Variants in RGS3 observed in about 807,000 individuals in gnomAD.
RGS3 encodes regulator of G-protein signalling 3.
A neutral mutation model predicts 132.6 loss-of-function variants in RGS3; 80 were observed. That is an observed-to-expected ratio of 0.60 (90% CI 0.50 to 0.73). RGS3 has a LOEUF of 0.73. RGS3 is among the 30% of genes least tolerant of loss of function. The pLI is 0.00. For missense variants in RGS3, 1,382 were observed against 1,530.8 expected, an observed-to-expected ratio of 0.90 and a Z score of 1.62; for synonymous variants, 598 against 620.6, an observed-to-expected ratio of 0.96 and a Z score of 0.54.
Position 113,579,115 on chromosome 9 carries a change from C to G in RGS3, c.2038-4335C>G, listed in dbSNP as rs1834670206. Among the ~76,000 whole-genome samples, 1 of 152,176 alleles carries G rather than the reference C, an allele frequency of 6.6e-6. No homozygotes were observed. The highest frequency in any genetic ancestry group is 2.4e-5 in the African/African-American group (1 of 41,432). ...AGGAAGTGGTTTTCGAGGGCAGATGCAGAGCCCGGCATCCGTGGTGGCTGT... is the reference window on the plus strand; with the variant it reads ...AGGAAGTGGTTTTCGAGGGCAGATGGAGAGCCCGGCATCCGTGGTGGCTGT... On this transcript the variant is annotated intron_variant, in intron 19 of 24. Transcript: ENST00000350696. This position sits in a 1 kb window ranked among gnomAD's most constrained non-coding sequence, Gnocchi z 4.3.
chr9:113,595,322 C>T (rs901487626), intron 23 of RGS3: 5 of 550,612 alleles, frequency 9.1e-6, no homozygotes, highest in African/African-American at 7.5e-5. Flanking sequence ...GGGCAGGGTC[C>T]CATCGGCTCC....
chr9:113,529,677 C>A (rs951010917), intron 18 of RGS3, among the ~76,000 whole-genome samples: 3 of 152,216 alleles, frequency 2.0e-5, no homozygotes, highest in Non-Finnish European at 2.9e-5. Context: ...CCAACGACCC[C>A]TTGTACAGGG....
intron 19 of RGS3, chr9:113,580,591 A>G (rs1038119456): frequency 6.1e-6 from 1 of 164,978 alleles, no homozygotes; most frequent in South Asian, 2.0e-4. Flanking sequence ...TGGGATCAAA[A>G]TCAGCCTGGC....
intron 1 of RGS3, among the ~76,000 whole-genome samples, chr9:113,454,507 C>T (rs1184625442): frequency 6.6e-6 from 1 of 152,010 alleles, no homozygotes; most frequent in Non-Finnish European, 1.5e-5. Flanking sequence ...ACTTAGCAGG[C>T]TGAGGCATAA....
intron 19 of RGS3, among the ~76,000 whole-genome samples, chr9:113,559,968 A>C (rs1169375977): frequency 1.3e-5 from 2 of 152,230 alleles, no homozygotes; most frequent in Non-Finnish European, 2.9e-5. Flanking sequence ...TGTACCAGGC[A>C]TTCCACATAC....
At chr9:113,585,242 G>T (rs1835058005) in intron 20 of RGS3, among the ~76,000 whole-genome samples, 1 of 152,214 alleles carries the variant, frequency 6.6e-6, no homozygotes, top group Admixed American at 6.5e-5. Flanking sequence ...GCTAGTTTGG[G>T]TCTGGGCTCT....
intron 16 of RGS3, chr9:113,522,375 T>G (rs1474372091): frequency 6.6e-6 from 1 of 152,420 alleles, no homozygotes; most frequent in Non-Finnish European, 1.5e-5. Flanking sequence ...TCTCCCTGTT[T>G]GGGCTGTTGA....
chr9:113,461,719 C>T lies in RGS3; in HGVS notation c.93C>T (p.Asp31=), dbSNP rs753710945. 4 of 1,613,690 alleles carry T rather than the reference C, an allele frequency of 2.5e-6. No individual in the cohort carries two copies. The East Asian group carries it at 8.9e-5, about 36-fold the overall frequency. ...TTTTCTCTCCTAGGTCACATTCAGACAGCACACCTTTGCCCAATTTTCTTT... is the reference window on the plus strand; with the variant it reads ...TTTTCTCTCCTAGGTCACATTCAGATAGCACACCTTTGCCCAATTTTCTTT... The change falls in exon 2 of 25, where the codon GAC becomes GAT. Residue 31 remains aspartate, a synonymous_variant. Coordinates refer to ENST00000350696, the Ensembl canonical transcript of RGS3.
chr9:113,573,060 A>G (rs2118900459), intron 19 of RGS3, among the ~76,000 whole-genome samples: 1 of 152,322 alleles, frequency 6.6e-6, no homozygotes, highest in South Asian at 2.1e-4. Context: ...GCCAGGCCCT[A>G]TGCTAAGCCC....
chr9:113,451,345 C>T (rs978290217), intron 1 of RGS3, among the ~76,000 whole-genome samples: 9 of 152,180 alleles, frequency 5.9e-5, no homozygotes, highest in African/African-American at 2.2e-4. Flanking sequence ...GGTTTGGGAT[C>T]CCTGGATGCC....
chr9:113,488,647 C>T (rs765193354), intron 7 of RGS3, among the ~76,000 whole-genome samples: 1 of 152,146 alleles, frequency 6.6e-6, no homozygotes, highest in Non-Finnish European at 1.5e-5. Context: ...AGTGAGTCAG[C>T]GTCATGGGGC....
chr9:113,562,527 AATCAATCAGTCC>A (rs1385284738), intron 19 of RGS3, among the ~76,000 whole-genome samples: 1 of 152,006 alleles, frequency 6.6e-6, no homozygotes, highest in African/African-American at 2.4e-5. Flanking sequence ...ATGAGGATTC[AATCAATCAGTCC>A]ATCAATCAGT....
chr9:113,587,206 C>CT (rs1419019004), intron 20 of RGS3, among the ~76,000 whole-genome samples: 1 of 149,872 alleles, frequency 6.7e-6, no homozygotes, highest in Non-Finnish European at 1.5e-5. Context: ...GCCCTAGACT[C>CT]TGAGACCTCA....
chr9:113,515,505 C>T (rs952570955), intron 15 of RGS3, among the ~76,000 whole-genome samples: 2 of 152,072 alleles, frequency 1.3e-5, no homozygotes, highest in Non-Finnish European at 2.9e-5. Context: ...GTGGCAGGCG[C>T]CTGTAATCCC....
chr9:113,501,799 C>A (rs1432690609), intron 10 of RGS3, among the ~76,000 whole-genome samples: 1 of 152,220 alleles, frequency 6.6e-6, no homozygotes, highest in African/African-American at 2.4e-5. Flanking sequence ...GGACCCAAGG[C>A]CCCTTTAGGG....
rs1829530480 is a variant in RGS3 at position 113,463,696 on chromosome 9, CCCTA to C, written c.415+1499_415+1502del. 1 of 1,433,662 alleles carries C rather than the reference CCCTA, an allele frequency of 7.0e-7. No individual in the cohort carries two copies. The highest frequency in any genetic ancestry group is 2.8e-5 in the Admixed American group (1 of 35,112). The allele number at this position is 1,433,662 out of a possible 1,614,324, so 88.8% of individuals were successfully genotyped here. A position where few individuals can be genotyped will look rare whatever the true frequency, so the allele number is the denominator to read the frequency against. ...CTGGCCGTTCCAACGCTTGGGGCAGCCCTACCTCCCGCTCGCGCTCCTCCCGCCC... is the reference window on the plus strand; with the variant it reads ...CTGGCCGTTCCAACGCTTGGGGCAGCCCTCCCGCTCGCGCTCCTCCCGCCC... On this transcript the variant is annotated intron_variant, in intron 3 of 24. Transcript: ENST00000350696. The surrounding 1 kb of genome is among the most constrained non-coding windows in gnomAD (Gnocchi z 4.6).
At chr9:113,536,401 G>T (rs1457243272) in intron 18 of RGS3, 1 of 816,432 alleles carries the variant, frequency 1.2e-6, no homozygotes, top group Non-Finnish European at 1.5e-6. Context: ...GGTGGGGAGG[G>T]TTCCTGGCTC....
At chr9:113,524,263 G>C (rs1411855124) in intron 17 of RGS3, among the ~76,000 whole-genome samples, 2 of 152,094 alleles carry the variant, frequency 1.3e-5, no homozygotes, top group African/African-American at 4.8e-5. Context: ...CCATTCTCCA[G>C]CCTGCAGTGT....
intron 7 of RGS3, 53 bp downstream of exon 5, chr9:113,485,746 C>T (rs1377547015): frequency 2.2e-6 from 3 of 1,375,484 alleles, no homozygotes; most frequent in East Asian, 2.4e-5. Flanking sequence ...TAGTGGGTGA[C>T]AGCCAGGTGG....
Sources: gnomAD v4.1 joint callset for allele counts (sites outside exome capture counted in the v4.1 genomes callset) on GRCh38, gnomAD v4.1.1 for gene constraint, Gnocchi (gnomAD v3.1) non-coding constraint, MANE v1.5 for transcripts, NCBI Gene and HGNC (gene_info 2026-07-23, HGNC 2026-07-21) for gene names.